Variants in VPS54 observed in about 807,000 individuals in gnomAD.
The protein encoded by VPS54 is vacuolar protein sorting-associated protein 54.
A neutral mutation model predicts 121.5 loss-of-function variants in VPS54; 45 were observed. The ratio of observed to expected loss-of-function variants is 0.37; its 90% confidence interval spans 0.29 to 0.47. VPS54 has a LOEUF of 0.47. Among genes scored for constraint, VPS54 ranks in the 20% least tolerant of loss-of-function variants. The probability of loss-of-function intolerance (pLI) is 0.99; values close to 1 mark genes in which losing one functional copy is unlikely to be tolerated. For synonymous variants in VPS54, 371 were observed against 385.8 expected (o/e 0.96, Z 0.45); for missense variants, 1,090 against 1,131.4 (o/e 0.96, Z 0.52).
chr2:63,976,825 CTTT>C (rs1174931536), intron 3 of VPS54, among the ~76,000 whole-genome samples: 2 of 89,680 alleles, frequency 2.2e-5, no homozygotes, highest in African/African-American at 8.3e-5. Flanking sequence ...TATATCTTCT[CTTT>C]TTTTTTTTTT....
At position 63,894,960 on chromosome 2, in the gene VPS54, C is replaced by A. The variant is rs570198044; in HGVS notation, c.2829-1425G>T. ...AGGCTGGGAGAAAAAGGGAATCGGA[C>A]TGCAGATGGGGTGTAAAGGTGTACT... On this transcript the variant is annotated intron_variant, in intron 22 of 22. Coordinates refer to ENST00000272322, the MANE Select transcript of VPS54 (RefSeq NM_016516.3). Among the ~76,000 whole-genome samples the A allele has an allele frequency of 4.6e-5, 7 of 152,218 alleles. No individual in the cohort carries two copies. In the South Asian group the frequency reaches 1.5e-3, roughly 32 times the overall value.
chr2:63,990,605 C>T (rs1024448588), intron 1 of VPS54, among the ~76,000 whole-genome samples: 10 of 152,170 alleles, frequency 6.6e-5, no homozygotes, highest in Non-Finnish European at 1.5e-4. Context: ...TTCTCACACT[C>T]TCATCCTGGT....
At chr2:63,947,961 C>T (rs983616178) in intron 8 of VPS54, among the ~76,000 whole-genome samples, 2 of 152,000 alleles carry the variant, frequency 1.3e-5, no homozygotes, top group East Asian at 3.9e-4. Context: ...CTCAGCCTCC[C>T]GAGTAGCTGG....
chr2:63,987,823 A>C (rs1435697231), intron 1 of VPS54, among the ~76,000 whole-genome samples: 2 of 152,032 alleles, frequency 1.3e-5, no homozygotes, highest in Non-Finnish European at 2.9e-5. Context: ...TCTTTTTCAC[A>C]TTGTTCAGTG....
intron 1 of VPS54, among the ~76,000 whole-genome samples, chr2:63,996,864 C>T (rs1054221701): frequency 2.6e-5 from 4 of 152,122 alleles, no homozygotes; most frequent in Non-Finnish European, 5.9e-5. Context: ...CCTTGCCCTG[C>T]CCATTTGCCT....
At chr2:63,927,409 C>A (rs1159878822) in intron 12 of VPS54, among the ~76,000 whole-genome samples, 1 of 152,172 alleles carries the variant, frequency 6.6e-6, no homozygotes, top group Admixed American at 6.5e-5. Context: ...AACACACCTG[C>A]AGTTGAGGGA....
intron 12 of VPS54, among the ~76,000 whole-genome samples, chr2:63,925,086 A>G (rs1217578937): frequency 6.6e-6 from 1 of 152,228 alleles, no homozygotes; most frequent in Non-Finnish European, 1.5e-5. Context: ...ACTTTTGTTC[A>G]CCAAAAAACC....
intron 17 of VPS54, 128 bp downstream of exon 17, chr2:63,914,054 T>C: frequency 1.9e-6 from 2 of 1,030,646 alleles, no homozygotes; most frequent in Non-Finnish European, 2.9e-6. Context: ...TCAACCACAA[T>C]CAAATGTTAT....
In VPS54 at chr2:63,893,422, G is replaced by A; in HGVS notation, c.*8C>T. On this transcript the variant is annotated 3_prime_UTR_variant, in exon 23 of 23. Coordinates refer to ENST00000272322, the MANE Select transcript of VPS54 (RefSeq NM_016516.3). ...GTCAGATGAACTACCCAGTTTTCCA[G>A]GATGACATCACCTCTTCTGCTCCCA... The A allele has an allele frequency of 9.3e-6, 15 of 1,610,526 alleles. No individual in the cohort carries two copies. The highest frequency in any genetic ancestry group is 7.7e-5 in the South Asian group (7 of 91,006).
intron 3 of VPS54, among the ~76,000 whole-genome samples, chr2:63,974,162 T>C (rs1324217834): frequency 6.6e-6 from 1 of 152,232 alleles, no homozygotes; most frequent in East Asian, 1.9e-4. Flanking sequence ...TTCTTTCTCT[T>C]TGGTATGTGG....
chr2:63,990,432 C>T (rs944536170), intron 1 of VPS54, among the ~76,000 whole-genome samples: 1 of 152,162 alleles, frequency 6.6e-6, no homozygotes, highest in East Asian at 1.9e-4. Context: ...TATAATTCTT[C>T]AGGCCCTACC....
At chr2:63,946,266 T>G (rs1022967546) in intron 9 of VPS54, among the ~76,000 whole-genome samples, 1 of 152,126 alleles carries the variant, frequency 6.6e-6, no homozygotes, top group Non-Finnish European at 1.5e-5. Context: ...ACATCAAAAT[T>G]CTATTTATCC....
At chr2:63,940,647 A>G (rs991786587) in intron 11 of VPS54, among the ~76,000 whole-genome samples, 4 of 152,216 alleles carry the variant, frequency 2.6e-5, no homozygotes, top group African/African-American at 9.6e-5. Context: ...TGAGTGAAAA[A>G]AATAGCTTTG....
intron 4 of VPS54, among the ~76,000 whole-genome samples, chr2:63,969,362 G>A (rs1676158214): frequency 6.6e-6 from 1 of 152,172 alleles, no homozygotes; most frequent in Non-Finnish European, 1.5e-5. Context: ...AGCTTCATCT[G>A]TATTTACAGC....
rs371699605 is a variant in VPS54 at position 63,972,150 on chromosome 2, T to G, written c.457+16A>C. ...TATGCTATGCTTTATTATCTATAAA[T>G]AACACATATTCATACCATGAGTATG... On this transcript the variant is annotated intron_variant, in intron 4 of 22. Transcript: ENST00000272322. 18 of 1,487,806 alleles carry G rather than the reference T, an allele frequency of 1.2e-5. No homozygotes were observed. The highest frequency in any genetic ancestry group is 1.6e-5 in the Non-Finnish European group (18 of 1,096,656). 92.2% of individuals were successfully genotyped at this position (1,487,806 alleles called of 1,614,324 possible).
intron 7 of VPS54, among the ~76,000 whole-genome samples, chr2:63,959,547 A>G (rs1373626735): frequency 1.3e-5 from 2 of 152,232 alleles, no homozygotes; most frequent in Non-Finnish European, 2.9e-5. Flanking sequence ...AAAGATATTG[A>G]GCAAAATGTA....
At chr2:64,015,751 A>T (rs988284366) in intron 1 of VPS54, among the ~76,000 whole-genome samples, 30 of 149,148 alleles carry the variant, frequency 2.0e-4, no homozygotes, top group African/African-American at 7.3e-4. Flanking sequence ...TATTTTTTTA[A>T]AATTTGGATT....
chr2:63,958,178 T>C (rs1331715862), intron 7 of VPS54, among the ~76,000 whole-genome samples: 2 of 152,040 alleles, frequency 1.3e-5, no homozygotes, highest in Non-Finnish European at 2.9e-5. Flanking sequence ...AGATTTAAAA[T>C]AAAAACACAA....
rs570059132 is a variant in VPS54 at position 63,920,524 on chromosome 2, G to A, written c.1973C>T (p.Thr658Met). ...GCTCTGAAGTGCTCCAAGTAATGAC[G>A]TGCTTTTTCTTCCACAGATCTGTTC... ...DTEQICGRKS[T>M]SLLGALQSQA... The change falls in exon 14 of 23, where the codon ACG becomes ATG. Residue 658 changes from threonine (T) to methionine (M), a missense_variant. Physicochemically the swap from Thr to Met is moderately conservative, Grantham distance 81 (BLOSUM62 -1). Around this residue, in one of 2 missense-constraint regions of VPS54, gnomAD observed 289 missense variants for 374.4 expected, o/e 0.77. Transcript: ENST00000272322. 13 of 1,591,226 alleles carry A rather than the reference G, an allele frequency of 8.2e-6. No homozygotes were observed. The South Asian group carries it at 9.0e-5, about 11-fold the overall frequency.
Sources: gnomAD v4.1 joint callset for allele counts (sites outside exome capture counted in the v4.1 genomes callset) on GRCh38, gnomAD v4.1.1 for gene constraint, gnomAD v4.1.1 regional missense constraint, MANE v1.5 for transcripts, NCBI Gene and HGNC (gene_info 2026-07-23, HGNC 2026-07-21) for gene names.